The following SEMA3C variants were observed in gnomAD, a reference collection of about 807,000 sequenced individuals.
The protein encoded by SEMA3C is semaphorin-3C.
SEMA3C carries 47 observed loss-of-function variants against 89.4 expected under a neutral mutation model. That is an observed-to-expected ratio of 0.53 (90% CI 0.42 to 0.67). SEMA3C has a LOEUF of 0.67. Ranked by LOEUF, SEMA3C falls within the 30% of genes least tolerant of loss-of-function variation. The pLI, the probability that SEMA3C is intolerant of heterozygous loss-of-function variation, is 0.00. For missense variants in SEMA3C, 839 were observed against 929.1 expected, an observed-to-expected ratio of 0.90 and a Z score of 1.26; for synonymous variants, 310 against 320.2, an observed-to-expected ratio of 0.97 and a Z score of 0.34.
chr7:80,918,012 C>T (rs531034784), intron 1 of SEMA3C, among the ~76,000 whole-genome samples: 9 of 152,242 alleles, frequency 5.9e-5, no homozygotes, highest in Non-Finnish European at 1.0e-4. Flanking sequence ...TGAAATTGTA[C>T]GCTTCTTTTA....
intron 2 of SEMA3C, among the ~76,000 whole-genome samples, chr7:80,887,014 T>C (rs1791499218): frequency 6.6e-6 from 1 of 152,190 alleles, no homozygotes; most frequent in Admixed American, 6.5e-5. Flanking sequence ...ATATGTTATA[T>C]AAATTAAATT....
chr7:80,891,719 A>G (rs191141490), intron 2 of SEMA3C, among the ~76,000 whole-genome samples: 1 of 152,252 alleles, frequency 6.6e-6, no homozygotes, highest in East Asian at 1.9e-4. Flanking sequence ...GCTGAATTTA[A>G]TAGTTAAAAT....
chr7:80,856,548 A>C (rs1480635175), intron 2 of SEMA3C, among the ~76,000 whole-genome samples: 1 of 151,306 alleles, frequency 6.6e-6, no homozygotes, highest in Non-Finnish European at 1.5e-5. Context: ...AAAAAAAAAA[A>C]AAAAAAAAAC....
intron 2 of SEMA3C, among the ~76,000 whole-genome samples, chr7:80,841,312 C>T (rs955098293): frequency 1.3e-5 from 2 of 152,038 alleles, no homozygotes; most frequent in African/African-American, 4.8e-5. Flanking sequence ...CTATTGTGTG[C>T]CTGCATAGTA....
intron 5 of SEMA3C, among the ~76,000 whole-genome samples, chr7:80,815,774 A>C (rs1196033265): frequency 6.6e-6 from 1 of 152,122 alleles, no homozygotes; most frequent in East Asian, 1.9e-4. Context: ...ACTCTTGGTC[A>C]CCTGTGATAT....
At chr7:80,784,578 T>A (rs1170581052) in intron 12 of SEMA3C, among the ~76,000 whole-genome samples, 3 of 152,082 alleles carry the variant, frequency 2.0e-5, no homozygotes, top group Non-Finnish European at 2.9e-5. Context: ...TTTTAAAAAA[T>A]TTACAATTAT....
chr7:80,872,117 A>G (rs1041208609), intron 2 of SEMA3C, among the ~76,000 whole-genome samples: 2 of 152,058 alleles, frequency 1.3e-5, no homozygotes, highest in African/African-American at 4.8e-5. Flanking sequence ...TAGTGAGAAG[A>G]GTGGCAATAT....
At chr7:80,889,017 C>G (rs1791549309) in intron 2 of SEMA3C, among the ~76,000 whole-genome samples, 1 of 152,056 alleles carries the variant, frequency 6.6e-6, no homozygotes, top group South Asian at 2.1e-4. Flanking sequence ...ACGTGTGCCA[C>G]CACGCCCAGC....
Position 80,818,327 on chromosome 7 carries a change from G to A in SEMA3C, c.419C>T (p.Thr140Ile). Residue 140 changes from threonine (T) to isoleucine (I), a missense_variant, in exon 5 of 18, where the codon ACT (threonine) becomes ATT (isoleucine). Coordinates refer to ENST00000265361, the MANE Select transcript of SEMA3C (RefSeq NM_006379.5). ...CGSGAFSPVC[T>I]YLNRGRRSED... ...TGATCTCCTCCCTCTGTTCAAGTAA[G>A]TACAGACAGGACTGAAAGCGCCACT... 2 of 1,613,100 alleles carry A rather than the reference G, an allele frequency of 1.2e-6. No individual in the cohort carries two copies. The highest frequency in any genetic ancestry group is 1.7e-6 in the Non-Finnish European group (2 of 1,179,218).
At position 80,885,434 on chromosome 7, in the gene SEMA3C, T is replaced by C. The variant is rs183669713; in HGVS notation, c.103+31245A>G. 3.7e-4 allele frequency among the ~76,000 whole-genome samples: 57 copies of C among 152,066 alleles called. No individual in the cohort carries two copies. The East Asian group carries it at 0.01, about 27-fold the overall frequency. ...GAGTTCAAGACCTGCCTAACCAACA[T>C]GACAAACCCCATCTCTACAAAGAAA... On this transcript the variant is annotated intron_variant, in intron 2 of 17. Transcript: ENST00000265361.
chr7:80,786,372 C>A (rs1788801625), intron 12 of SEMA3C, among the ~76,000 whole-genome samples: 1 of 150,180 alleles, frequency 6.7e-6, no homozygotes. Flanking sequence ...GGAGAAAATA[C>A]ACATATTTCA....
chr7:80,825,853 A>G (rs1035274441), intron 4 of SEMA3C, among the ~76,000 whole-genome samples: 2 of 152,206 alleles, frequency 1.3e-5, no homozygotes, highest in Non-Finnish European at 1.5e-5. Context: ...GGAACAAAAC[A>G]TCATTCTCTG....
At chr7:80,767,320 G>A (rs1378985319) in intron 12 of SEMA3C, among the ~76,000 whole-genome samples, 5 of 152,126 alleles carry the variant, frequency 3.3e-5, no homozygotes, top group Admixed American at 1.3e-4. Flanking sequence ...ATCCAAATAA[G>A]CTGAATCAAA....
At chr7:80,787,378 C>T (rs1246987169) in intron 12 of SEMA3C, among the ~76,000 whole-genome samples, 1 of 121,482 alleles carries the variant, frequency 8.2e-6, no homozygotes. Flanking sequence ...GGTGATAGAG[C>T]AAGACTCCGT....
intron 12 of SEMA3C, among the ~76,000 whole-genome samples, chr7:80,765,923 C>T (rs999694860): frequency 5.9e-5 from 9 of 152,054 alleles, no homozygotes; most frequent in Non-Finnish European, 1.0e-4. Context: ...CTTTCTCCTC[C>T]ACACCAACAT....
chr7:80,756,430 C>G (rs940916713), intron 15 of SEMA3C, among the ~76,000 whole-genome samples: 8 of 152,122 alleles, frequency 5.3e-5, no homozygotes, highest in Admixed American at 2.0e-4. Context: ...GCCACCCCTT[C>G]CCTTCTGCCT....
rs1326870180 is a variant in SEMA3C, at chr7:80,793,121, T to G, written c.1132-3593A>C. ...AAACTTCTCCTTTAAATGTTTTTCC[T>G]CAGTTCTTCCAGCTATTTGTTTATC... On this transcript the variant is annotated intron_variant, in intron 11 of 17. Coordinates refer to ENST00000265361, the MANE Select transcript of SEMA3C (RefSeq NM_006379.5). Among the ~76,000 whole-genome samples the G allele has an allele frequency of 3.3e-5, 5 of 152,346 alleles. No individual in the cohort carries two copies. In the East Asian group the frequency reaches 7.7e-4, roughly 23 times the overall value.
At chr7:80,887,757 G>C (rs749094653) in intron 2 of SEMA3C, among the ~76,000 whole-genome samples, 2 of 152,082 alleles carry the variant, frequency 1.3e-5, no homozygotes, top group Non-Finnish European at 2.9e-5. Flanking sequence ...ACAATTACCT[G>C]TCATGGGAAA....
intron 12 of SEMA3C, among the ~76,000 whole-genome samples, chr7:80,769,580 C>T (rs1300611724): frequency 3.3e-5 from 5 of 152,058 alleles, no homozygotes; most frequent in Non-Finnish European, 7.4e-5. Flanking sequence ...TAATGCAGGC[C>T]GGGCACAGTG....
Sources: gnomAD v4.1 joint callset for allele counts (sites outside exome capture counted in the v4.1 genomes callset) on GRCh38, gnomAD v4.1.1 for gene constraint, MANE v1.5 for transcripts, NCBI Gene and HGNC (gene_info 2026-07-23, HGNC 2026-07-21) for gene names.